XKR4: variants seen among roughly 807,000 people sequenced by gnomAD.
The protein encoded by XKR4 is XK-related protein 4.
Under a neutral mutation model 53.9 loss-of-function variants are expected in XKR4, and 12 were observed. The observed-to-expected ratio is 0.22, with a 90% CI of 0.14 to 0.36. The LOEUF (loss-of-function observed/expected upper bound fraction) is 0.36. XKR4 is among the 10% of genes least tolerant of loss of function. The pLI, the probability that XKR4 is intolerant of heterozygous loss-of-function variation, is 1.00. For synonymous variants in XKR4, 354 were observed against 362.4 expected (o/e 0.98, Z 0.26); for missense variants, 799 against 859.5 (o/e 0.93, Z 0.88).
chr8:55,416,998 C>T (rs976033329), intron 2 of XKR4, among the ~76,000 whole-genome samples: 8 of 152,200 alleles, frequency 5.3e-5, no homozygotes, highest in South Asian at 2.1e-4. Context: ...TCCCCTGGGG[C>T]GGGGTTACAT....
chr8:55,392,769 C>A (rs1306906882), intron 2 of XKR4, among the ~76,000 whole-genome samples: 2 of 151,998 alleles, frequency 1.3e-5, no homozygotes, highest in African/African-American at 4.8e-5. Context: ...CCAGCCTGGG[C>A]AAAAGAGCCA....
intron 1 of XKR4, among the ~76,000 whole-genome samples, chr8:55,209,555 G>GTGTTGGCAGAGTTCTTCCACACACTGC: frequency 6.6e-6 from 1 of 152,286 alleles, no homozygotes; most frequent in African/African-American, 2.4e-5. Flanking sequence ...ATCATAACTG[G>GTGTTGGCAGAGTTCTTCCACACACTGC]TGTTGGCAGA....
intron 1 of XKR4, among the ~76,000 whole-genome samples, chr8:55,249,001 TTC>T (rs1208952782): frequency 6.6e-6 from 1 of 152,206 alleles, no homozygotes; most frequent in Non-Finnish European, 1.5e-5. Flanking sequence ...TTCTCTCTCT[TTC>T]TCTCTGTAGT....
chr8:55,269,933 G>A (rs904095860), intron 1 of XKR4, among the ~76,000 whole-genome samples: 1 of 152,186 alleles, frequency 6.6e-6, no homozygotes, highest in African/African-American at 2.4e-5. Flanking sequence ...CAGGGAAGAG[G>A]TTAACTATGG....
At chr8:55,332,590 T>C (rs1021376244) in intron 1 of XKR4, among the ~76,000 whole-genome samples, 3 of 152,018 alleles carry the variant, frequency 2.0e-5, no homozygotes, top group African/African-American at 7.2e-5. Context: ...TAGTTGACAG[T>C]TTTTTCCCCC....
In XKR4 at chr8:55,308,024, G is replaced by A. The variant is rs548113702; in HGVS notation, c.807-49654G>A. On this transcript the variant is annotated intron_variant, in intron 1 of 2. Transcript: ENST00000327381. ...AATCCCAGCACTTTGGGAGGCTGAG[G>A]CGGGCAGATCACGAGGTCAGGAGTT... Among the ~76,000 whole-genome samples the A allele has an allele frequency of 3.3e-5, 5 of 152,324 alleles. No individual in the cohort carries two copies. In the South Asian group the frequency reaches 6.2e-4, roughly 19 times the overall value.
chr8:55,528,081 TA>T lies in XKR4; in HGVS notation c.*3857del, dbSNP rs899388432. On this transcript the variant is annotated 3_prime_UTR_variant, in exon 3 of 3. Transcript: ENST00000327381. Reference sequence around the variant, plus strand: ...AGTATATACTGCTTTTGAATGTATATAAAGTGGTATGTTATGCATATAAATT... The same window carrying T: ...AGTATATACTGCTTTTGAATGTATATAAGTGGTATGTTATGCATATAAATT... 6.6e-6 allele frequency: 1 copy of T among 152,216 alleles called. No individual in the cohort carries two copies. The highest frequency in any genetic ancestry group is 2.4e-5 in the African/African-American group (1 of 41,460). The allele number at this position is 152,216 out of a possible 1,614,324, so 9.4% of individuals were successfully genotyped here. A position where few individuals can be genotyped will look rare whatever the true frequency, so the allele number is the denominator to read the frequency against.
At chr8:55,346,088 T>C (rs1178598171) in intron 1 of XKR4, among the ~76,000 whole-genome samples, 4 of 150,620 alleles carry the variant, frequency 2.7e-5, no homozygotes, top group African/African-American at 7.3e-5. Context: ...TTTCTTTTTT[T>C]TTTTTTTTCT....
chr8:55,264,506 G>A (rs765957419), intron 1 of XKR4, among the ~76,000 whole-genome samples: 3 of 152,172 alleles, frequency 2.0e-5, no homozygotes, highest in Non-Finnish European at 4.4e-5. Flanking sequence ...AGAACAATCA[G>A]TATGATTATT....
intron 1 of XKR4, among the ~76,000 whole-genome samples, chr8:55,127,256 A>G (rs1240228891): frequency 9.8e-6 from 1 of 101,548 alleles, no homozygotes; most frequent in East Asian, 2.9e-4. Context: ...TTTTTTTTTC[A>G]TTTTTTTTAA....
intron 2 of XKR4, among the ~76,000 whole-genome samples, chr8:55,374,650 G>A (rs1335661757): frequency 6.6e-6 from 1 of 152,178 alleles, no homozygotes; most frequent in African/African-American, 2.4e-5. Context: ...GGAAGAGCAT[G>A]GGGATGGGGA....
At chr8:55,156,345 C>T (rs796820600) in intron 1 of XKR4, among the ~76,000 whole-genome samples, 1 of 150,622 alleles carries the variant, frequency 6.6e-6, no homozygotes, top group African/African-American at 2.4e-5. Context: ...CGTAAAGACT[C>T]GTAAGGACTT....
At chr8:55,170,905 A>G (rs1356623689) in intron 1 of XKR4, among the ~76,000 whole-genome samples, 1 of 152,184 alleles carries the variant, frequency 6.6e-6, no homozygotes, top group Non-Finnish European at 1.5e-5. Flanking sequence ...TCAGAAGGTC[A>G]AAGTCTCTCC....
chr8:55,342,457 A>C (rs1009309552), intron 1 of XKR4, among the ~76,000 whole-genome samples: 6 of 151,790 alleles, frequency 4.0e-5, no homozygotes, highest in African/African-American at 1.5e-4. Flanking sequence ...TCCCCTTTTT[A>C]AGCCCTCTAA....
At chr8:55,380,968 A>G (rs963945344) in intron 2 of XKR4, among the ~76,000 whole-genome samples, 8 of 152,242 alleles carry the variant, frequency 5.3e-5, no homozygotes, top group African/African-American at 1.7e-4. Context: ...TTAATACTCT[A>G]TCTTCTTTGG....
intron 1 of XKR4, among the ~76,000 whole-genome samples, chr8:55,329,708 C>T (rs1463889105): frequency 6.6e-6 from 1 of 152,134 alleles, no homozygotes; most frequent in Admixed American, 6.6e-5. Flanking sequence ...TTTCCAAGTT[C>T]CATATGTTAT....
At position 55,524,085 on chromosome 8, in the gene XKR4, A is replaced by G; in HGVS notation, c.1811A>G (p.Tyr604Cys). Residue 604 changes from tyrosine to cysteine, a missense_variant, in exon 3 of 3, where the codon TAC becomes TGC. Physicochemically the swap from Tyr to Cys is radical, Grantham distance 194. Transcript: ENST00000327381. Reference sequence around the variant, plus strand: ...AAAATTGACTTGTTCAGGAATAGGTACCCAGCATGGGAGAGACATGTTTTG... The same window carrying G: ...AAAATTGACTTGTTCAGGAATAGGTGCCCAGCATGGGAGAGACATGTTTTG... ...VIKIDLFRNR[Y>C]PAWERHVLDR... 6.2e-7 allele frequency: 1 copy of G among 1,614,232 alleles called. No homozygotes were observed. The highest frequency in any genetic ancestry group is 8.5e-7 in the Non-Finnish European group (1 of 1,180,034).
Position 55,537,465 on chromosome 8 carries a change from G to C in XKR4, c.*13238G>C, listed in dbSNP as rs1807045741. 6.6e-6 allele frequency: 1 copy of C among 152,196 alleles called. No individual in the cohort carries two copies. Among genetic ancestry groups the C allele is most frequent in the Non-Finnish European group, 1.5e-5 (1 of 68,044 alleles). 9.4% of individuals were successfully genotyped at this position (152,196 alleles called of 1,614,324 possible). On this transcript the variant is annotated 3_prime_UTR_variant, in exon 3 of 3. Coordinates refer to ENST00000327381, the MANE Select transcript of XKR4 (RefSeq NM_052898.2). ...AGCAGAAAAACAGACAAGCTATTCA[G>C]ACCAGTTTTCTTTAAGAGCACTTAT...
chr8:55,507,082 AT>A (rs1371472100), intron 2 of XKR4, among the ~76,000 whole-genome samples: 4 of 152,136 alleles, frequency 2.6e-5, no homozygotes, highest in African/African-American at 7.2e-5. Flanking sequence ...CAAGTTTATC[AT>A]TCAGAATAAG....
Sources: allele counts gnomAD v4.1 joint callset (sites outside exome capture counted in the v4.1 genomes callset), GRCh38; gene constraint gnomAD v4.1.1; transcripts MANE v1.5; gene names NCBI Gene and HGNC (gene_info 2026-07-23, HGNC 2026-07-21).